The following CCDC149 variants were observed in gnomAD, a reference collection of about 807,000 sequenced individuals.
CCDC149 encodes the protein coiled-coil domain-containing protein 149.
A neutral mutation model predicts 59.9 loss-of-function variants in CCDC149; 45 were observed. The ratio of observed to expected loss-of-function variants is 0.75; its 90% CI spans 0.59 to 0.96. The LOEUF (loss-of-function observed/expected upper bound fraction) is 0.96. Ranked by LOEUF, CCDC149 falls within the 40% of genes least tolerant of loss-of-function variation. The pLI, the probability that CCDC149 is intolerant of heterozygous loss-of-function variation, is 0.00. For missense variants in CCDC149, 584 were observed against 664.7 expected, an observed-to-expected ratio of 0.88 and a Z score of 1.33; for synonymous variants, 245 against 260.6, an observed-to-expected ratio of 0.94 and a Z score of 0.58.
chr4:24,938,377 G>A (rs1406163268), intron 1 of CCDC149, among the ~76,000 whole-genome samples: 1 of 152,212 alleles, frequency 6.6e-6, no homozygotes, highest in Non-Finnish European at 1.5e-5. Flanking sequence ...TGGCAAGGTA[G>A]ACATATCATC....
intron 12 of CCDC149, among the ~76,000 whole-genome samples, chr4:24,811,198 C>G (rs567936437): frequency 6.6e-5 from 10 of 152,288 alleles, no homozygotes; most frequent in African/African-American, 1.9e-4. Context: ...TGCTGTATTC[C>G]TATTTTATAA....
At chr4:24,935,001 C>T (rs1477212979) in intron 1 of CCDC149, among the ~76,000 whole-genome samples, 1 of 152,056 alleles carries the variant, frequency 6.6e-6, no homozygotes, top group South Asian at 2.1e-4. Context: ...CTTATATATC[C>T]GAAGGATCCC....
intron 4 of CCDC149, among the ~76,000 whole-genome samples, chr4:24,844,915 A>G (rs529574640): frequency 7.9e-5 from 12 of 152,166 alleles, no homozygotes; most frequent in African/African-American, 2.9e-4. Flanking sequence ...TCACCCATTT[A>G]AGTCCACCAA....
chr4:24,850,145 C>A (rs1453578991), intron 4 of CCDC149, among the ~76,000 whole-genome samples: 1 of 151,460 alleles, frequency 6.6e-6, no homozygotes, highest in South Asian at 2.1e-4. Context: ...TTTTCTTTTT[C>A]TCTTACTCTT....
intron 4 of CCDC149, among the ~76,000 whole-genome samples, chr4:24,848,179 C>G (rs1717428025): frequency 6.6e-6 from 1 of 152,110 alleles, no homozygotes; most frequent in Admixed American, 6.5e-5. Context: ...TCCATGCTGT[C>G]TACGCTACCC....
At chr4:24,969,292 G>A (rs1270811372) in intron 1 of CCDC149, among the ~76,000 whole-genome samples, 1 of 152,218 alleles carries the variant, frequency 6.6e-6, no homozygotes, top group African/African-American at 2.4e-5. Flanking sequence ...GCTAACAGCT[G>A]TGGACACAGG....
chr4:24,905,213 G>A (rs909225834), intron 1 of CCDC149, among the ~76,000 whole-genome samples: 3 of 151,608 alleles, frequency 2.0e-5, no homozygotes, highest in African/African-American at 7.3e-5. Flanking sequence ...TTCTTACTGA[G>A]TAGTGAGAGT....
chr4:24,889,704 C>T (rs964115529), intron 1 of CCDC149, among the ~76,000 whole-genome samples: 5 of 152,130 alleles, frequency 3.3e-5, no homozygotes, highest in Admixed American at 2.0e-4. Context: ...TAATTCAATT[C>T]GGTTGCAGAG....
chr4:24,876,801 A>G lies in CCDC149; in HGVS notation c.64-104T>C, dbSNP rs908650575. 14 of 1,162,622 alleles carry G rather than the reference A, an allele frequency of 1.2e-5. No individual in the cohort carries two copies. The Admixed American group carries it at 3.4e-4, about 28-fold the overall frequency. 72.0% of individuals were successfully genotyped at this position (1,162,622 alleles called of 1,614,324 possible). A position where few individuals can be genotyped will look rare whatever the true frequency, so the allele number is the denominator to read the frequency against. ...CCTGTGGGGAATTTTTGCCATTCTC[A>G]TTTTTAGAGCTCATGTGCCGAGAGA... On this transcript the variant is annotated intron_variant, in intron 1 of 12. Transcript: ENST00000635206.
rs1283706717 is a variant in CCDC149 at position 24,873,688 on chromosome 4, C to CT, written c.256dup (p.Arg86LysfsTer5). 4 of 1,609,008 alleles carry CT rather than the reference C, an allele frequency of 2.5e-6. No individual in the cohort carries two copies. The highest frequency in any genetic ancestry group is 2.2e-5 in the East Asian group (1 of 44,832). On this transcript the variant is annotated frameshift_variant, in exon 3 of 13. Coordinates refer to ENST00000635206, the MANE Select transcript of CCDC149 (RefSeq NM_001330643.2). LOFTEE classifies it high-confidence loss of function. Reference sequence around the variant, plus strand: ...ATCAGAAATAAGTCTTACCTGTTTCCTTTTTTCAGGAGGAAGTGATGGATC... The same window carrying CT: ...ATCAGAAATAAGTCTTACCTGTTTCCTTTTTTTCAGGAGGAAGTGATGGATC...
intron 12 of CCDC149, among the ~76,000 whole-genome samples, chr4:24,816,693 CTT>C (rs1715033541): frequency 6.6e-6 from 1 of 152,020 alleles, no homozygotes; most frequent in Non-Finnish European, 1.5e-5. Context: ...ATCATTAACA[CTT>C]ATTATTAATA....
At chr4:24,876,765 A>G in intron 1 of CCDC149, 68 bp from the exon 2 acceptor site, 1 of 1,450,776 alleles carries the variant, frequency 6.9e-7, no homozygotes, top group Non-Finnish European at 9.3e-7. Flanking sequence ...CACACACCGT[A>G]CTTCACACAC....
chr4:24,872,297 T>C (rs1719092198), intron 3 of CCDC149, among the ~76,000 whole-genome samples: 1 of 152,208 alleles, frequency 6.6e-6, no homozygotes, highest in African/African-American at 2.4e-5. Context: ...GGCATGTGAA[T>C]TTTAATGGAA....
intron 1 of CCDC149, among the ~76,000 whole-genome samples, chr4:24,902,004 G>C (rs1721197906): frequency 1.3e-5 from 2 of 152,082 alleles, no homozygotes; most frequent in Admixed American, 6.5e-5. Context: ...ACCTGCAATG[G>C]GCAAAGTACA....
intron 1 of CCDC149, among the ~76,000 whole-genome samples, chr4:24,960,534 C>G (rs1560270107): frequency 6.6e-6 from 1 of 151,974 alleles, no homozygotes; most frequent in Non-Finnish European, 1.5e-5. Flanking sequence ...AATATAGACA[C>G]AAATGTAATA....
At chr4:24,840,556 C>G (rs551692390) in intron 4 of CCDC149, among the ~76,000 whole-genome samples, 45 of 152,190 alleles carry the variant, frequency 3.0e-4, no homozygotes, top group African/African-American at 1.1e-3. Flanking sequence ...CTTGTTTCAG[C>G]CCTTGGATTG....
chr4:24,865,435 A>G (rs961135094), intron 3 of CCDC149, among the ~76,000 whole-genome samples: 1 of 152,230 alleles, frequency 6.6e-6, no homozygotes, highest in Non-Finnish European at 1.5e-5. Flanking sequence ...TAACAGTAAT[A>G]GAGTGAAACT....
intron 1 of CCDC149, among the ~76,000 whole-genome samples, chr4:24,901,208 C>A (rs1013911050): frequency 2.0e-5 from 3 of 152,156 alleles, no homozygotes; most frequent in Non-Finnish European, 4.4e-5. Flanking sequence ...TAAAAATCAA[C>A]CAAAGGTTTG....
At chr4:24,825,642 A>G (rs369704523) in intron 9 of CCDC149, among the ~76,000 whole-genome samples, 17 of 151,918 alleles carry the variant, frequency 1.1e-4, no homozygotes, top group East Asian at 2.0e-4. Flanking sequence ...GTGTGGTGGC[A>G]GGCGCCTGTA....
Sources: gnomAD v4.1 joint callset for allele counts (sites outside exome capture counted in the v4.1 genomes callset) on GRCh38, gnomAD v4.1.1 for gene constraint, MANE v1.5 for transcripts, NCBI Gene and HGNC (gene_info 2026-07-23, HGNC 2026-07-21) for gene names.